The following CTXND2 variants were observed in gnomAD, a reference collection of about 807,000 sequenced individuals.
The protein encoded by CTXND2 is cortexin domain containing 2.
chr1:150,900,047 A>G (rs946435035), intron 1 of CTXND2, among the ~76,000 whole-genome samples: 3 of 152,162 alleles, frequency 2.0e-5, no homozygotes, highest in African/African-American at 7.2e-5. Context: ...GGGCAGGGCC[A>G]AATAAGGGAA....
chr1:150,892,368 T>G (rs1040516861), intron 1 of CTXND2, among the ~76,000 whole-genome samples: 1 of 152,186 alleles, frequency 6.6e-6, no homozygotes, highest in African/African-American at 2.4e-5. Flanking sequence ...TTCAAGTTTC[T>G]GTAAATGTGT....
chr1:150,907,909 C>T lies in CTXND2; in HGVS notation c.-73-4333C>T, dbSNP rs587718935. Among the ~76,000 whole-genome samples the T allele has an allele frequency of 4.4e-3, 663 of 152,138 alleles. 4 individuals carry two copies. The highest frequency in any genetic ancestry group is 0.015 in the African/African-American group (617 of 41,522). ...TATTTTTAGTAGAGATGGGGTTTCACCGTGTTAGCCAGGATGGTCTTGATC... is the reference window on the plus strand; with the variant it reads ...TATTTTTAGTAGAGATGGGGTTTCATCGTGTTAGCCAGGATGGTCTTGATC... On this transcript the variant is annotated intron_variant, in intron 1 of 1. Coordinates refer to ENST00000636087, the Ensembl canonical transcript of CTXND2.
chr1:150,888,215 A>ATT (rs1198190663), intron 1 of CTXND2, among the ~76,000 whole-genome samples: 1 of 122,826 alleles, frequency 8.1e-6, no homozygotes, highest in African/African-American at 2.8e-5. Context: ...ATTTTACCTA[A>ATT]TTTATTTTTT....
At chr1:150,891,873 C>T (rs964921701) in intron 1 of CTXND2, among the ~76,000 whole-genome samples, 1 of 152,120 alleles carries the variant, frequency 6.6e-6, no homozygotes, top group African/African-American at 2.4e-5. Flanking sequence ...TGATTCTTCC[C>T]TTTGGGCTTC....
At chr1:150,900,435 C>G in intron 1 of CTXND2, among the ~76,000 whole-genome samples, 1 of 152,234 alleles carries the variant, frequency 6.6e-6, no homozygotes, top group East Asian at 1.9e-4. Flanking sequence ...AACTGTAACA[C>G]TCACCGTGAG....
chr1:150,904,717 T>C (rs754790069), intron 1 of CTXND2, among the ~76,000 whole-genome samples: 30 of 152,302 alleles, frequency 2.0e-4, no homozygotes, highest in South Asian at 8.3e-4. Context: ...TAATTAGAAT[T>C]CCCTGTATTT....
chr1:150,906,833 T>C (rs1358443852), intron 1 of CTXND2, among the ~76,000 whole-genome samples: 1 of 152,168 alleles, frequency 6.6e-6, no homozygotes, highest in Non-Finnish European at 1.5e-5. Context: ...CCATGTGATA[T>C]CCAACGTGAG....
chr1:150,902,005 C>T (rs1669046349), intron 1 of CTXND2, among the ~76,000 whole-genome samples: 1 of 152,040 alleles, frequency 6.6e-6, no homozygotes, highest in Non-Finnish European at 1.5e-5. Context: ...GTGGCTCACT[C>T]CTGTAATCCC....
At chr1:150,910,791 C>T (rs1164740034) in intron 1 of CTXND2, among the ~76,000 whole-genome samples, 1 of 151,716 alleles carries the variant, frequency 6.6e-6, no homozygotes, top group Admixed American at 6.6e-5. Flanking sequence ...ATCACCATGC[C>T]TGGCTAATTT....
chr1:150,887,644 G>A (rs1035617280), intron 1 of CTXND2, among the ~76,000 whole-genome samples: 2 of 152,088 alleles, frequency 1.3e-5, no homozygotes, highest in East Asian at 3.9e-4. Context: ...AAGTTGGGGG[G>A]ACCTCTGATT....
At chr1:150,901,723 G>C (rs974403156) in intron 1 of CTXND2, among the ~76,000 whole-genome samples, 1 of 151,196 alleles carries the variant, frequency 6.6e-6, no homozygotes, top group Non-Finnish European at 1.5e-5. Context: ...GACCATCCTG[G>C]CTAACACAGT....
intron 1 of CTXND2, among the ~76,000 whole-genome samples, chr1:150,887,619 G>A (rs1668790921): frequency 6.6e-6 from 1 of 152,078 alleles, no homozygotes; most frequent in African/African-American, 2.4e-5. Flanking sequence ...CTTGAGCATA[G>A]TCTCTTTTTG....
chr1:150,895,895 T>C (rs757131587), intron 1 of CTXND2, among the ~76,000 whole-genome samples: 1 of 152,188 alleles, frequency 6.6e-6, no homozygotes, highest in Non-Finnish European at 1.5e-5. Flanking sequence ...GCAACAGCAG[T>C]GTCTGGTGGT....
intron 1 of CTXND2, among the ~76,000 whole-genome samples, chr1:150,909,095 C>T (rs772668255): frequency 8.0e-5 from 12 of 150,812 alleles, no homozygotes; most frequent in South Asian, 6.4e-4. Flanking sequence ...AAAACGTAGC[C>T]GGGCATGGTG....
chr1:150,899,129 T>TAAATAAATAAAC (rs1668958527), intron 1 of CTXND2, among the ~76,000 whole-genome samples: 1 of 58,736 alleles, frequency 1.7e-5, no homozygotes. Flanking sequence ...AATAAATAAA[T>TAAATAAATAAAC]AAACAAACAA....
At chr1:150,889,227 A>G (rs903997271) in intron 1 of CTXND2, among the ~76,000 whole-genome samples, 1 of 151,842 alleles carries the variant, frequency 6.6e-6, no homozygotes, top group Admixed American at 6.6e-5. Context: ...GGCTAACAGG[A>G]TGAGACCCCG....
intron 1 of CTXND2, among the ~76,000 whole-genome samples, chr1:150,898,480 G>A (rs1002771751): frequency 9.9e-5 from 15 of 152,030 alleles, no homozygotes; most frequent in Admixed American, 8.5e-4. Flanking sequence ...CTTACTGGCC[G>A]GGCGTGGTGG....
intron 1 of CTXND2, among the ~76,000 whole-genome samples, chr1:150,896,334 T>G (rs587675624): frequency 6.6e-6 from 1 of 152,356 alleles, no homozygotes; most frequent in East Asian, 1.9e-4. Context: ...TCTGGACTTT[T>G]TGGCCATATG....
intron 1 of CTXND2, among the ~76,000 whole-genome samples, chr1:150,902,006 C>T (rs1289772180): frequency 1.3e-5 from 2 of 151,866 alleles, no homozygotes; most frequent in Admixed American, 1.3e-4. Flanking sequence ...TGGCTCACTC[C>T]TGTAATCCCA....
Sources: allele counts gnomAD v4.1 joint callset (sites outside exome capture counted in the v4.1 genomes callset), GRCh38; gene constraint gnomAD v4.1.1; transcripts MANE v1.5; gene names NCBI Gene and HGNC (gene_info 2026-07-23, HGNC 2026-07-21).